Variants in SPRED3 observed in about 807,000 individuals in gnomAD.
SPRED3 encodes sprouty related EVH1 domain containing 3, also known as sprouty-related, EVH1 domain-containing protein 3.
A neutral mutation model predicts 37.6 loss-of-function variants in SPRED3; 23 were observed. The observed-to-expected ratio is 0.61, with a 90% CI of 0.44 to 0.87. SPRED3 has a LOEUF of 0.87. SPRED3 is among the 40% of genes least tolerant of loss of function. SPRED3 has a pLI of 0.00. For missense variants in SPRED3, 584 were observed against 618.6 expected, an observed-to-expected ratio of 0.94 and a Z score of 0.59; for synonymous variants, 302 against 279.6, an observed-to-expected ratio of 1.08 and a Z score of -0.80.
intron 4 of SPRED3, 174 bp from the exon 5 acceptor site, chr19:38,394,469 T>G: frequency 2.0e-6 from 3 of 1,495,994 alleles, no homozygotes; most frequent in Non-Finnish European, 2.8e-6. Context: ...AAACTGAGGC[T>G]CAAAGAGGTG....
chr19:38,396,105 G>T lies in SPRED3; in HGVS notation c.1193G>T (p.Cys398Phe), dbSNP rs1247388305. Residue 398 changes from cysteine to phenylalanine, a missense_variant, in exon 6 of 6, where the codon TGC becomes TTC. This residue lies in a region of SPRED3 where 85 missense variants were observed against 117.8 expected (regional missense o/e 0.72). Coordinates refer to ENST00000691638, the MANE Select transcript of SPRED3 (RefSeq NM_001394336.1). ...ACHWVAARCG[C>F]AGCGGRHEEA... is the part of the protein sequence containing the mutation. ...CACTGGGTCGCAGCGCGATGCGGCT[G>T]CGCCGGCTGCGGGGGTCGCCACGAG... 7.7e-7 allele frequency: 1 copy of T among 1,293,960 alleles called. No homozygotes were observed. Among genetic ancestry groups the T allele is most frequent in the Non-Finnish European group, 9.8e-7 (1 of 1,024,070 alleles). The allele number at this position is 1,293,960 out of a possible 1,614,324, so 80.2% of individuals were successfully genotyped here. A position where few individuals can be genotyped will look rare whatever the true frequency, so the allele number is the denominator to read the frequency against.
Position 38,390,349 on chromosome 19 carries a change from G to A in SPRED3, c.47G>A (p.Gly16Glu). 1 of 1,384,660 alleles carries A rather than the reference G, an allele frequency of 7.2e-7. No individual in the cohort carries two copies. The highest frequency in any genetic ancestry group is 9.4e-7 in the Non-Finnish European group (1 of 1,063,176). 85.8% of individuals were successfully genotyped at this position (1,384,660 alleles called of 1,614,324 possible). A position where few individuals can be genotyped will look rare whatever the true frequency, so the allele number is the denominator to read the frequency against. ...GTGATGGCCCGAGATGACTCCAGTGGGGGCTGGCTGCCTGTGGGGGGCGGG... is the reference window on the plus strand; with the variant it reads ...GTGATGGCCCGAGATGACTCCAGTGAGGGCTGGCTGCCTGTGGGGGGCGGG... Reference protein sequence around the residue: ...AVVMARDDSSGGWLPVGGGGL... With the variant: ...AVVMARDDSSEGWLPVGGGGL... Residue 16 changes from glycine to glutamate, a missense_variant, in exon 2 of 6, where the codon GGG becomes GAG. By Grantham distance (98) the Gly-to-Glu change is moderately conservative. Transcript: ENST00000691638.
chr19:38,398,410 G>C lies in SPRED3; in HGVS notation c.*2265G>C, dbSNP rs189713301. The C allele has an allele frequency of 6.6e-6, 1 of 152,024 alleles. No individual in the cohort carries two copies. The highest frequency in any genetic ancestry group is 1.9e-4 in the East Asian group (1 of 5,172). 9.4% of individuals were successfully genotyped at this position (152,024 alleles called of 1,614,324 possible). ...TGCCACCACACCCAGCTAATTTTTT[G>C]TATTTTGAGTAGAGACAGGGTTTCA... On this transcript the variant is annotated 3_prime_UTR_variant, in exon 6 of 6. Transcript: ENST00000691638.
intron 1 of SPRED3, among the ~76,000 whole-genome samples, chr19:38,389,209 G>A (rs1254882415): frequency 6.6e-6 from 1 of 152,156 alleles, no homozygotes; most frequent in Non-Finnish European, 1.5e-5. Flanking sequence ...GCGGACAAAG[G>A]AAGCAGCGTC....
intron 1 of SPRED3, among the ~76,000 whole-genome samples, 191 bp downstream of exon 1, chr19:38,388,998 G>C (rs1600510865): frequency 6.6e-6 from 1 of 152,214 alleles, no homozygotes; most frequent in Admixed American, 6.5e-5. Flanking sequence ...TGTGGGGTCT[G>C]GACTTTCTCC....
Position 38,390,460 on chromosome 19 carries a change from A to G in SPRED3, c.158A>G (p.Glu53Gly). Residue 53 changes from glutamate (E) to glycine (G), a missense_variant, in exon 2 of 6, where the codon GAA (glutamate) becomes GGA (glycine). Around this residue, in one of 7 missense-constraint regions of SPRED3, gnomAD observed 88 missense variants for 77.0 expected, o/e 1.14. Transcript: ENST00000691638. ...CAGGGGCACTACGTCATCCACGGGG[A>G]ACGCCTCCGGGACCAGAAAGTGAGC... ...ARQGHYVIHG[E>G]RLRDQKTTLE... 1 of 1,380,402 alleles carries G rather than the reference A, an allele frequency of 7.2e-7. No homozygotes were observed. The highest frequency in any genetic ancestry group is 9.4e-7 in the Non-Finnish European group (1 of 1,064,184). 85.5% of individuals were successfully genotyped at this position (1,380,402 alleles called of 1,614,324 possible).
In SPRED3 at chr19:38,390,416, G is replaced by A. The variant is rs751929777; in HGVS notation, c.114G>A (p.Arg38=). 6 of 1,391,114 alleles carry A rather than the reference G, an allele frequency of 4.3e-6. No individual in the cohort carries two copies. Among genetic ancestry groups the A allele is most frequent in the Middle Eastern group, 4.1e-4 (2 of 4,904 alleles). The allele number at this position is 1,391,114 out of a possible 1,614,324, so 86.2% of individuals were successfully genotyped here. A position where few individuals can be genotyped will look rare whatever the true frequency, so the allele number is the denominator to read the frequency against. Residue 38 remains arginine, a synonymous_variant, in exon 2 of 6, where the codon AGG becomes AGA. Coordinates refer to ENST00000691638, the MANE Select transcript of SPRED3 (RefSeq NM_001394336.1). ...GCGTGTGTCGGGTCCGAGGGGCCAG[G>A]CCCGAGGGGGGGGCCCGCCAGGGGC... is the stretch of plus-strand genomic sequence containing the variant. The part of the protein sequence containing the change: ...QVSVCRVRGA[R]PEGGARQGHY...
intron 4 of SPRED3, 24 bp from the exon 5 acceptor site, chr19:38,394,619 G>T (rs760651638): frequency 2.0e-5 from 32 of 1,576,924 alleles, no homozygotes; most frequent in Non-Finnish European, 2.5e-5. Flanking sequence ...GTGTCCCCGC[G>T]CTGAGGCCGC....
chr19:38,391,820 C>T, intron 2 of SPRED3, 126 bp from the exon 3 acceptor site: 1 of 1,110,424 alleles, frequency 9.0e-7, no homozygotes, highest in Non-Finnish European at 1.3e-6. Context: ...TTCAGGGTTA[C>T]ACTTAGGGTT....
At position 38,395,605 on chromosome 19, in the gene SPRED3, C is replaced by T. The variant is rs750485876; in HGVS notation, c.693C>T (p.Pro231=). The T allele has an allele frequency of 3.2e-6, 5 of 1,553,286 alleles. No individual in the cohort carries two copies. Among genetic ancestry groups the T allele is most frequent in the Admixed American group, 1.9e-5 (1 of 53,068 alleles). The change falls in exon 6 of 6, where the codon CCC becomes CCT. Residue 231 remains proline (P), a synonymous_variant. Coordinates refer to ENST00000691638, the MANE Select transcript of SPRED3 (RefSeq NM_001394336.1). This position sits in a 1 kb window ranked among gnomAD's most constrained non-coding sequence, Gnocchi z 5.2. ...ACCGGCGCTCCGGGCCACCCGCGCC[C>T]CTCGCCCTGTCCACCTGCGTCGTGC... ...EDYRRSGPPA[P]LALSTCVVRF... is the part of the protein sequence containing the mutation.
Position 38,390,434 on chromosome 19 carries a change from C to T in SPRED3, c.132C>T (p.Arg44=). Reference sequence around the variant, plus strand: ...GGGCCAGGCCCGAGGGGGGGGCCCGCCAGGGGCACTACGTCATCCACGGGG... The same window carrying T: ...GGGCCAGGCCCGAGGGGGGGGCCCGTCAGGGGCACTACGTCATCCACGGGG... The part of the protein sequence containing the change: ...VRGARPEGGA[R]QGHYVIHGER... The change falls in exon 2 of 6, where the codon CGC becomes CGT. Residue 44 remains arginine (R), a synonymous_variant. Coordinates refer to ENST00000691638, the MANE Select transcript of SPRED3 (RefSeq NM_001394336.1). The T allele has an allele frequency of 7.1e-7, 1 of 1,403,436 alleles. No individual in the cohort carries two copies. 86.9% of individuals were successfully genotyped at this position (1,403,436 alleles called of 1,614,324 possible).
intron 4 of SPRED3, 76 bp from the exon 5 acceptor site, chr19:38,394,567 A>G: frequency 6.4e-7 from 1 of 1,550,840 alleles, no homozygotes; most frequent in South Asian, 1.2e-5. Flanking sequence ...CCTCGCTCTC[A>G]ATGGGAGGGG....
At chr19:38,391,420 CAGTAA>C (rs1970831588) in intron 2 of SPRED3, among the ~76,000 whole-genome samples, 1 of 151,360 alleles carries the variant, frequency 6.6e-6, no homozygotes, top group Admixed American at 6.6e-5. Context: ...GTGAGATGTT[CAGTAA>C]AGTCTGGGAA....
chr19:38,395,631 G>A lies in SPRED3; in HGVS notation c.719G>A (p.Arg240His), dbSNP rs778868979. The change falls in exon 6 of 6, where the codon CGC (arginine) becomes CAC (histidine). Residue 240 changes from arginine to histidine, a missense_variant. Arg to His is a conservative substitution (Grantham distance 29). This residue lies in a region of SPRED3 where 310 missense variants were observed against 281.1 expected (regional missense o/e 1.10). Coordinates refer to ENST00000691638, the MANE Select transcript of SPRED3 (RefSeq NM_001394336.1). This position sits in a 1 kb window ranked among gnomAD's most constrained non-coding sequence, Gnocchi z 5.2. ...CTCGCCCTGTCCACCTGCGTCGTGC[G>A]CTTCGCCAAGACCGGCGCGTTGAGG... ...APLALSTCVV[R>H]FAKTGALRGA... 4.5e-6 allele frequency: 7 copies of A among 1,541,418 alleles called. No homozygotes were observed. The highest frequency in any genetic ancestry group is 1.4e-5 in the African/African-American group (1 of 70,474).
Position 38,395,646 on chromosome 19 carries a change from GC to G in SPRED3, c.735del (p.Ala246ArgfsTer2). The G allele has an allele frequency of 6.5e-7, 1 of 1,530,486 alleles. No homozygotes were observed. 94.8% of individuals were successfully genotyped at this position (1,530,486 alleles called of 1,614,324 possible). Reference protein sequence around the residue: ...STCVVRFAKTGALRGAALGPP... With the variant: ...STCVVRFAKTXALRGAALGPP... ...TGCGTCGTGCGCTTCGCCAAGACCG[GC>G]GCGTTGAGGGGCGCTGCCCTGGGTC... On this transcript the variant is annotated frameshift_variant, in exon 6 of 6. Coordinates refer to ENST00000691638, the MANE Select transcript of SPRED3 (RefSeq NM_001394336.1). LOFTEE classifies it high-confidence loss of function. This position sits in a 1 kb window ranked among gnomAD's most constrained non-coding sequence, Gnocchi z 5.2.
intron 2 of SPRED3, among the ~76,000 whole-genome samples, chr19:38,390,705 G>C (rs1351608032): frequency 2.7e-5 from 4 of 150,094 alleles, no homozygotes; most frequent in Non-Finnish European, 5.9e-5. Flanking sequence ...TATCCTCGCT[G>C]TCTCCCTGTA....
At chr19:38,390,730 C>G (rs144127165) in intron 2 of SPRED3, among the ~76,000 whole-genome samples, 2 of 151,298 alleles carry the variant, frequency 1.3e-5, no homozygotes, top group African/African-American at 4.9e-5. Context: ...TCCTCCTCCC[C>G]GCTCCAACCC....
intron 4 of SPRED3, chr19:38,392,727 C>A (rs1005581138): frequency 6.5e-6 from 1 of 152,980 alleles, no homozygotes; most frequent in Non-Finnish European, 1.5e-5. Flanking sequence ...ATCCCTGACT[C>A]CTTATCTTTT....
Position 38,395,949 on chromosome 19 carries a change from C to T in SPRED3, c.1037C>T (p.Ala346Val). The T allele has an allele frequency of 6.7e-7, 1 of 1,496,568 alleles. No individual in the cohort carries two copies. Among genetic ancestry groups the T allele is most frequent in the Non-Finnish European group, 8.8e-7 (1 of 1,130,936 alleles). The allele number at this position is 1,496,568 out of a possible 1,614,324, so 92.7% of individuals were successfully genotyped here. Residue 346 changes from alanine (A) to valine (V), a missense_variant, in exon 6 of 6, where the codon GCC (alanine) becomes GTC (valine). Transcript: ENST00000691638. The surrounding 1 kb of genome is among the most constrained non-coding windows in gnomAD (Gnocchi z 5.2). ...TTGCTCTACCACTGCCTGTCGGACGCCGAGGGCGACTTCTCGGACCCGTGC... is the reference window on the plus strand; with the variant it reads ...TTGCTCTACCACTGCCTGTCGGACGTCGAGGGCGACTTCTCGGACCCGTGC... ...ESLLYHCLSD[A>V]EGDFSDPCAC...
Sources: gnomAD v4.1 joint callset for allele counts (sites outside exome capture counted in the v4.1 genomes callset) on GRCh38, gnomAD v4.1.1 for gene constraint, gnomAD v4.1.1 regional missense constraint, Gnocchi (gnomAD v3.1) non-coding constraint, MANE v1.5 for transcripts, NCBI Gene and HGNC (gene_info 2026-07-23, HGNC 2026-07-21) for gene names.